The following LRMDA variants were observed in gnomAD, a reference collection of about 807,000 sequenced individuals.
The protein encoded by LRMDA is leucine rich melanocyte differentiation associated, also known as leucine-rich melanocyte differentiation-associated protein.
Under a neutral mutation model 29.8 loss-of-function variants are expected in LRMDA, and 18 were observed. The observed-to-expected ratio is 0.60, with a 90% CI of 0.42 to 0.90. LRMDA has a LOEUF of 0.90. LRMDA is among the 40% of genes least tolerant of loss of function. LRMDA has a pLI of 0.00. For missense variants in LRMDA, 273 were observed against 273.9 expected, an observed-to-expected ratio of 1.00 and a Z score of 0.02; for synonymous variants, 125 against 109.4, an observed-to-expected ratio of 1.14 and a Z score of -0.89.
intron 2 of LRMDA, among the ~76,000 whole-genome samples, chr10:75,647,029 G>C (rs1841530487): frequency 6.6e-6 from 1 of 151,832 alleles, no homozygotes; most frequent in South Asian, 2.1e-4. Context: ...ACAGCTCAGA[G>C]AGCAAACTTG....
intron 2 of LRMDA, among the ~76,000 whole-genome samples, chr10:75,787,166 C>T (rs1327701745): frequency 2.0e-5 from 3 of 152,100 alleles, no homozygotes; most frequent in Non-Finnish European, 2.9e-5. Flanking sequence ...GGTGGTGGTT[C>T]GATATTCTGT....
intron 2 of LRMDA, among the ~76,000 whole-genome samples, chr10:75,502,768 T>C (rs1359056156): frequency 6.6e-6 from 1 of 152,222 alleles, no homozygotes; most frequent in Admixed American, 6.5e-5. Context: ...ACTTTTATTT[T>C]AGGTTTGGGG....
intron 5 of LRMDA, among the ~76,000 whole-genome samples, chr10:76,160,013 A>G (rs1490723200): frequency 6.6e-6 from 1 of 152,084 alleles, no homozygotes; most frequent in Non-Finnish European, 1.5e-5. Flanking sequence ...ACTCTAATGT[A>G]AACTATGAGC....
At chr10:75,762,048 A>G (rs534824060) in intron 2 of LRMDA, among the ~76,000 whole-genome samples, 5 of 152,216 alleles carry the variant, frequency 3.3e-5, no homozygotes, top group Non-Finnish European at 7.4e-5. Context: ...CCTAAGCTCA[A>G]ATGATCTTCC....
At chr10:76,232,598 C>G (rs548587191) in intron 5 of LRMDA, among the ~76,000 whole-genome samples, 1 of 152,212 alleles carries the variant, frequency 6.6e-6, no homozygotes, top group African/African-American at 2.4e-5. Flanking sequence ...GATGCCCTAC[C>G]CTGGCCTTGC....
intron 5 of LRMDA, among the ~76,000 whole-genome samples, chr10:76,188,544 C>T (rs915449417): frequency 1.3e-5 from 2 of 152,120 alleles, no homozygotes; most frequent in Admixed American, 6.5e-5. Context: ...GCCTTTGTAT[C>T]CCAGATGGTG....
chr10:75,683,408 G>T (rs960614617), intron 2 of LRMDA, among the ~76,000 whole-genome samples: 1 of 152,166 alleles, frequency 6.6e-6, no homozygotes, highest in African/African-American at 2.4e-5. Context: ...TTTCAAGTTG[G>T]TTTTTATAGA....
intron 2 of LRMDA, among the ~76,000 whole-genome samples, chr10:75,686,383 C>A (rs2132156779): frequency 1.3e-5 from 2 of 152,268 alleles, no homozygotes; most frequent in African/African-American, 4.8e-5. Flanking sequence ...GGAAGGCCTT[C>A]CCCCAAACTA....
chr10:76,177,286 A>C, intron 5 of LRMDA, among the ~76,000 whole-genome samples: 1 of 152,256 alleles, frequency 6.6e-6, no homozygotes, highest in East Asian at 1.9e-4. Context: ...TGCCCAAGTC[A>C]ATTCAGCAGA....
At chr10:76,019,802 C>T (rs1847939596) in intron 2 of LRMDA, among the ~76,000 whole-genome samples, 2 of 152,024 alleles carry the variant, frequency 1.3e-5, no homozygotes, top group African/African-American at 4.8e-5. Context: ...AGTTGAGGGC[C>T]CCAGTGGTTC....
intron 2 of LRMDA, among the ~76,000 whole-genome samples, chr10:75,477,245 A>G (rs1212047713): frequency 6.6e-6 from 1 of 152,072 alleles, no homozygotes; most frequent in Admixed American, 6.5e-5. Flanking sequence ...CTCCCAAAGC[A>G]CTAATCTCTT....
At chr10:75,782,519 T>C (rs1188808234) in intron 2 of LRMDA, among the ~76,000 whole-genome samples, 1 of 152,194 alleles carries the variant, frequency 6.6e-6, no homozygotes, top group Non-Finnish European at 1.5e-5. Context: ...CCACTTTATA[T>C]TGAGTCACTT....
intron 2 of LRMDA, among the ~76,000 whole-genome samples, chr10:75,445,069 T>C (rs1418298842): frequency 6.6e-6 from 1 of 152,130 alleles, no homozygotes; most frequent in Non-Finnish European, 1.5e-5. Flanking sequence ...GCTGGGACTA[T>C]AGGTGTGCAC....
chr10:76,477,301 A>G (rs1400299531), intron 6 of LRMDA, among the ~76,000 whole-genome samples: 2 of 152,132 alleles, frequency 1.3e-5, no homozygotes, highest in African/African-American at 4.8e-5. Flanking sequence ...CCCATTCACA[A>G]TTGCTTCAAA....
chr10:76,035,989 G>T lies in LRMDA; in HGVS notation c.132-19G>T. On this transcript the variant is annotated intron_variant, in intron 2 of 6. Transcript: ENST00000611255. ...GATTTAGTGCAGGATCATTTTTCCT[G>T]TTGCCTTTGTCATTGCAGGTCACTG... The T allele has an allele frequency of 6.2e-7, 1 of 1,610,516 alleles. No homozygotes were observed. The highest frequency in any genetic ancestry group is 8.5e-7 in the Non-Finnish European group (1 of 1,178,888).
At chr10:76,083,836 A>G (rs1849088591) in intron 5 of LRMDA, among the ~76,000 whole-genome samples, 1 of 150,930 alleles carries the variant, frequency 6.6e-6, no homozygotes, top group South Asian at 2.1e-4. Context: ...TGCATCTCAA[A>G]AAAAAAAAAA....
chr10:76,514,135 C>T (rs79254439), intron 6 of LRMDA, among the ~76,000 whole-genome samples: 1 of 152,146 alleles, frequency 6.6e-6, no homozygotes, highest in Non-Finnish European at 1.5e-5. Context: ...CAATCCCATA[C>T]TCTCGTCCCT....
chr10:76,483,813 C>CT (rs1842755954), intron 6 of LRMDA, among the ~76,000 whole-genome samples: 4 of 150,872 alleles, frequency 2.7e-5, no homozygotes, highest in Admixed American at 6.6e-5. Flanking sequence ...CTGAAGTTAA[C>CT]TTTTTTATGT....
At chr10:76,424,348 T>C (rs2132524288) in intron 6 of LRMDA, among the ~76,000 whole-genome samples, 1 of 152,094 alleles carries the variant, frequency 6.6e-6, no homozygotes, top group African/African-American at 2.4e-5. Context: ...ACAAATATGG[T>C]GAAACCCTGT....
Sources: allele counts gnomAD v4.1 joint callset (sites outside exome capture counted in the v4.1 genomes callset), GRCh38; gene constraint gnomAD v4.1.1; transcripts MANE v1.5; gene names NCBI Gene and HGNC (gene_info 2026-07-23, HGNC 2026-07-21).